Variants in KCNH8 observed in about 807,000 individuals in gnomAD.
KCNH8 encodes the protein voltage-gated delayed rectifier potassium channel KCNH8.
KCNH8 carries 70 observed loss-of-function variants against 103.6 expected under a neutral mutation model. The ratio of observed to expected loss-of-function variants is 0.68; its 90% confidence interval spans 0.56 to 0.82. The LOEUF (loss-of-function observed/expected upper bound fraction) is 0.82, where lower values mean the gene tolerates loss of function less well. Among genes scored for constraint, KCNH8 ranks in the 40% least tolerant of loss-of-function variants. KCNH8 has a pLI of 0.00. For missense variants in KCNH8, 1,217 were observed against 1,329.9 expected, an observed-to-expected ratio of 0.92 and a Z score of 1.32; for synonymous variants, 498 against 489.4, an observed-to-expected ratio of 1.02 and a Z score of -0.23.
intron 5 of KCNH8, among the ~76,000 whole-genome samples, chr3:19,379,936 A>G (rs2066266481): frequency 6.6e-6 from 1 of 152,206 alleles, no homozygotes; most frequent in Non-Finnish European, 1.5e-5. Context: ...ATCTCTATGT[A>G]ATAAAAGGTT....
intron 12 of KCNH8, 110 bp downstream of exon 12, chr3:19,510,511 T>G: frequency 1.4e-6 from 1 of 740,360 alleles, no homozygotes; most frequent in East Asian, 2.7e-5. Context: ...TTACTTTCCC[T>G]ACTTGACTTC....
chr3:19,316,128 T>C (rs2065270423), intron 3 of KCNH8, among the ~76,000 whole-genome samples: 1 of 151,986 alleles, frequency 6.6e-6, no homozygotes, highest in Non-Finnish European at 1.5e-5. Context: ...TGGTTGAATT[T>C]TATGGAAAGG....
At chr3:19,259,843 C>T (rs979606221) in intron 2 of KCNH8, among the ~76,000 whole-genome samples, 1 of 151,426 alleles carries the variant, frequency 6.6e-6, no homozygotes, top group Non-Finnish European at 1.5e-5. Context: ...TAATTAACTG[C>T]CTTTCTTTTT....
At chr3:19,403,549 C>CAGGTATA (rs1291106807) in intron 7 of KCNH8, among the ~76,000 whole-genome samples, 3 of 150,682 alleles carry the variant, frequency 2.0e-5, no homozygotes, top group East Asian at 3.9e-4. Context: ...ACTACCCATA[C>CAGGTATA]AGGTATAAGG....
At chr3:19,252,464 A>G (rs1481105751) in intron 1 of KCNH8, among the ~76,000 whole-genome samples, 2 of 151,188 alleles carry the variant, frequency 1.3e-5, no homozygotes, top group South Asian at 4.2e-4. Flanking sequence ...ATCTTGACTC[A>G]CTGCAACCTT....
chr3:19,282,073 T>C (rs906126770), intron 3 of KCNH8, among the ~76,000 whole-genome samples: 3 of 152,136 alleles, frequency 2.0e-5, no homozygotes, highest in African/African-American at 7.2e-5. Flanking sequence ...GTAAGTTCTT[T>C]TTTAGAATCA....
chr3:19,385,177 A>C (rs958629547), intron 5 of KCNH8, among the ~76,000 whole-genome samples: 32 of 152,136 alleles, frequency 2.1e-4, no homozygotes, highest in African/African-American at 7.7e-4. Context: ...ACTAGAATAA[A>C]GGAAAGGAAG....
intron 3 of KCNH8, among the ~76,000 whole-genome samples, chr3:19,326,866 A>T (rs1190122458): frequency 6.6e-6 from 1 of 152,166 alleles, no homozygotes. Flanking sequence ...TATGTTTCAT[A>T]TGGTATTGGC....
intron 5 of KCNH8, among the ~76,000 whole-genome samples, chr3:19,361,216 A>C (rs1436939944): frequency 6.6e-6 from 1 of 152,046 alleles, no homozygotes; most frequent in Non-Finnish European, 1.5e-5. Flanking sequence ...GAAGTCATGA[A>C]ATTAAGTTTT....
intron 11 of KCNH8, among the ~76,000 whole-genome samples, chr3:19,509,173 G>T (rs2068743447): frequency 6.6e-6 from 1 of 152,168 alleles, no homozygotes; most frequent in South Asian, 2.1e-4. Flanking sequence ...TATTAAGGCG[G>T]CTAAGCAGAT....
At chr3:19,396,329 A>G (rs997437703) in intron 7 of KCNH8, among the ~76,000 whole-genome samples, 4 of 152,028 alleles carry the variant, frequency 2.6e-5, no homozygotes, top group African/African-American at 4.8e-5. Flanking sequence ...ATAAATGGCA[A>G]TCTCTCAGCA....
At position 19,192,354 on chromosome 3, in the gene KCNH8, A is replaced by T. The variant is rs566206047; in HGVS notation, c.76+43559A>T. 5.3e-5 allele frequency among the ~76,000 whole-genome samples: 8 copies of T among 151,700 alleles called. No homozygotes were observed. In the South Asian group the frequency reaches 1.7e-3, roughly 31 times the overall value. ...CAAACATAGTAATTACCAACCTTAA[A>T]GAGTCAGCTACTCTCACTGGGGTTC... On this transcript the variant is annotated intron_variant, in intron 1 of 15. Coordinates refer to ENST00000328405, the MANE Select transcript of KCNH8 (RefSeq NM_144633.3).
chr3:19,167,716 A>T (rs2125190827), intron 1 of KCNH8, among the ~76,000 whole-genome samples: 1 of 152,328 alleles, frequency 6.6e-6, no homozygotes, highest in South Asian at 2.1e-4. Flanking sequence ...ACATGCAGTT[A>T]TAAGAAATAA....
rs140601236 is a variant in KCNH8, at chr3:19,252,377, G to A, written c.77-1277G>A. Among the ~76,000 whole-genome samples, 52 of 151,534 alleles carry A rather than the reference G, an allele frequency of 3.4e-4. No individual in the cohort carries two copies. The East Asian group carries it at 9.8e-3, about 29-fold the overall frequency. On this transcript the variant is annotated intron_variant, in intron 1 of 15. Transcript: ENST00000328405. The stretch of plus-strand genomic sequence containing the variant: ...GTGTTAATATTACAACCATAAATAC[G>A]TGAATAGCACTCTTTTTTTTTTTCT...
In KCNH8 at chr3:19,517,573, G is replaced by A. The variant is rs530077123; in HGVS notation, c.2543-425G>A. ...ATATCAGTATCTGATATATATGTGG[G>A]AGGAAAATATGCTCATGGGCACATG... On this transcript the variant is annotated intron_variant, in intron 14 of 15. Coordinates refer to ENST00000328405, the MANE Select transcript of KCNH8 (RefSeq NM_144633.3). Among the ~76,000 whole-genome samples, 9 of 152,150 alleles carry A rather than the reference G, an allele frequency of 5.9e-5. 1 individual carries two copies. The South Asian group carries it at 1.5e-3, about 25-fold the overall frequency.
intron 1 of KCNH8, among the ~76,000 whole-genome samples, chr3:19,186,202 A>G (rs1461859739): frequency 6.6e-6 from 1 of 151,666 alleles, no homozygotes; most frequent in African/African-American, 2.4e-5. Context: ...CTGATTGTCT[A>G]GGAGACATTG....
At chr3:19,379,204 A>T (rs1411347109) in intron 5 of KCNH8, among the ~76,000 whole-genome samples, 1 of 152,244 alleles carries the variant, frequency 6.6e-6, no homozygotes, top group Non-Finnish European at 1.5e-5. Flanking sequence ...TTACAGTTTA[A>T]ATATACAAAG....
chr3:19,485,583 A>G (rs1575125018), intron 11 of KCNH8, among the ~76,000 whole-genome samples: 1 of 152,136 alleles, frequency 6.6e-6, no homozygotes, highest in Non-Finnish European at 1.5e-5. Flanking sequence ...CTACCTTCCT[A>G]TCTGGCAGTC....
intron 11 of KCNH8, among the ~76,000 whole-genome samples, chr3:19,489,507 G>A (rs2068276170): frequency 6.6e-6 from 1 of 152,140 alleles, no homozygotes; most frequent in African/African-American, 2.4e-5. Flanking sequence ...ACACTTTTGA[G>A]AGAAGGGACC....
Sources: allele counts gnomAD v4.1 joint callset (sites outside exome capture counted in the v4.1 genomes callset), GRCh38; gene constraint gnomAD v4.1.1; transcripts MANE v1.5; gene names NCBI Gene and HGNC (gene_info 2026-07-23, HGNC 2026-07-21).